IQCJ: variants seen among roughly 807,000 people sequenced by gnomAD.
IQCJ encodes IQ domain-containing protein J.
In IQCJ, 9 loss-of-function variants were observed where a neutral mutation model predicts 11.0. The ratio of observed to expected loss-of-function variants is 0.82; its 90% CI spans 0.49 to 1.43. The LOEUF is 1.43. IQCJ is among the 40% of genes most tolerant of loss of function. The pLI, the probability that IQCJ is intolerant of heterozygous loss-of-function variation, is 0.00. For synonymous variants in IQCJ, 55 were observed against 51.3 expected (o/e 1.07, Z -0.31); for missense variants, 146 against 133.2 (o/e 1.10, Z -0.47).
chr3:159,188,625 G>A (rs1006459335), intron 1 of IQCJ, among the ~76,000 whole-genome samples: 6 of 151,810 alleles, frequency 4.0e-5, no homozygotes, highest in Non-Finnish European at 8.8e-5. Context: ...TATTAAGTAC[G>A]GCCTGTACTC....
chr3:159,147,667 A>T (rs866303870), intron 1 of IQCJ, among the ~76,000 whole-genome samples: 2 of 152,228 alleles, frequency 1.3e-5, no homozygotes, highest in Non-Finnish European at 2.9e-5. Flanking sequence ...AAAATAATTA[A>T]TATTACAAAG....
chr3:159,114,284 A>G (rs988813363), intron 1 of IQCJ, among the ~76,000 whole-genome samples: 2 of 150,154 alleles, frequency 1.3e-5, no homozygotes, highest in African/African-American at 4.9e-5. Flanking sequence ...CATAGGTTTA[A>G]TTTCACACAA....
At chr3:159,169,279 C>CTTTTTTTTTTTTTTTTTTTTTTTTTT (rs141888128) in intron 1 of IQCJ, among the ~76,000 whole-genome samples, 6 of 56,406 alleles carry the variant, frequency 1.1e-4, no homozygotes, top group Non-Finnish European at 1.5e-4. Flanking sequence ...TTCTTTCTTT[C>CTTTTTTTTTTTTTTTTTTTTTTTTTT]TTTTTTTTTT....
At chr3:159,265,260 A>T (rs1728435039), downstream of IQCJ, 1 of 1,613,702 alleles carries the variant, frequency 6.2e-7, no homozygotes, top group Admixed American at 1.7e-5. Flanking sequence ...CATCTCTTGG[A>T]GGTTGCAGTC....
At chr3:159,190,165 C>A (rs1441224064) in intron 1 of IQCJ, among the ~76,000 whole-genome samples, 2 of 152,124 alleles carry the variant, frequency 1.3e-5, no homozygotes, top group Non-Finnish European at 2.9e-5. Context: ...GGATTAGCAC[C>A]CTGCTCAGCT....
chr3:159,221,850 G>A (rs888398101), intron 1 of IQCJ, among the ~76,000 whole-genome samples: 1 of 150,936 alleles, frequency 6.6e-6, no homozygotes, highest in Non-Finnish European at 1.5e-5. Context: ...AATTGTATTA[G>A]AATTGAACAC....
chr3:159,187,106 A>G (rs955172929), intron 1 of IQCJ, among the ~76,000 whole-genome samples: 1 of 152,272 alleles, frequency 6.6e-6, no homozygotes, highest in Non-Finnish European at 1.5e-5. Context: ...AACGTATTCT[A>G]CAGTTAAATA....
intron 1 of IQCJ, among the ~76,000 whole-genome samples, chr3:159,140,925 T>C (rs114841689): frequency 2.2e-4 from 33 of 152,308 alleles, no homozygotes; most frequent in Non-Finnish European, 4.1e-4. Context: ...GCACTTTTCA[T>C]AGCAAGCAGT....
intron 1 of IQCJ, among the ~76,000 whole-genome samples, chr3:159,103,415 C>T (rs989685840): frequency 1.3e-5 from 2 of 152,110 alleles, no homozygotes; most frequent in South Asian, 4.1e-4. Flanking sequence ...ATGTCATACT[C>T]CACTCTTGAG....
chr3:159,157,863 A>G (rs1721615803), intron 1 of IQCJ, among the ~76,000 whole-genome samples: 1 of 152,208 alleles, frequency 6.6e-6, no homozygotes, highest in Non-Finnish European at 1.5e-5. Flanking sequence ...AAAACACTTC[A>G]GTGCAGAGGG....
intron 1 of IQCJ, among the ~76,000 whole-genome samples, chr3:159,079,314 G>A (rs150897839): frequency 1.4e-3 from 209 of 152,148 alleles, no homozygotes; most frequent in African/African-American, 4.9e-3. Context: ...GCAACCTGAT[G>A]ATCTTCTTGC....
intron 1 of IQCJ, among the ~76,000 whole-genome samples, chr3:159,131,965 C>A (rs935874018): frequency 6.6e-6 from 1 of 152,066 alleles, no homozygotes; most frequent in East Asian, 1.9e-4. Context: ...CACACACACA[C>A]ACAAATAGAG....
intron 1 of IQCJ, among the ~76,000 whole-genome samples, chr3:159,123,896 C>G (rs922732395): frequency 6.6e-6 from 1 of 152,044 alleles, no homozygotes; most frequent in African/African-American, 2.4e-5. Flanking sequence ...AGAGACAGAC[C>G]CACTTAAATG....
intron 3 of IQCJ, among the ~76,000 whole-genome samples, chr3:159,260,590 A>G (rs1728146100): frequency 6.6e-6 from 1 of 152,204 alleles, no homozygotes; most frequent in Non-Finnish European, 1.5e-5. Context: ...CCTCTCTGAT[A>G]TAACGGGTCT....
intron 1 of IQCJ, among the ~76,000 whole-genome samples, chr3:159,204,914 G>A (rs535292097): frequency 6.6e-6 from 1 of 152,336 alleles, no homozygotes; most frequent in African/African-American, 2.4e-5. Flanking sequence ...CTTTGAAGGG[G>A]TAGCAGGCCA....
rs1331006084 is a variant in IQCJ at position 159,107,931 on chromosome 3, G to T, written c.9+38490G>T. Among the ~76,000 whole-genome samples the T allele has an allele frequency of 3.5e-5, 5 of 143,156 alleles. No individual in the cohort carries two copies. The South Asian group carries it at 6.5e-4, about 19-fold the overall frequency. 93.9% of individuals were successfully genotyped at this position (143,156 alleles called of 152,430 possible). On this transcript the variant is annotated intron_variant, in intron 1 of 3. Coordinates refer to ENST00000397832, the MANE Select transcript of IQCJ (RefSeq NM_001042706.3). ...TCTCCCCTGAAGAACTCACTGCCAC[G>T]CTCTGCTCCTGCTTGCAGGCTTCCT...
chr3:159,218,891 C>T (rs1221724948), intron 1 of IQCJ, among the ~76,000 whole-genome samples: 1 of 152,040 alleles, frequency 6.6e-6, no homozygotes, highest in Non-Finnish European at 1.5e-5. Flanking sequence ...CTTCCAGAGG[C>T]TCTAGGAGAG....
rs139281419 is a variant in IQCJ, at chr3:159,122,283, G to A, written c.9+52842G>A. Among the ~76,000 whole-genome samples the A allele has an allele frequency of 1.2e-3, 187 of 152,292 alleles. 1 individual carries two copies. Among genetic ancestry groups the A allele is most frequent in the African/African-American group, 4.4e-3 (181 of 41,566 alleles). On this transcript the variant is annotated intron_variant, in intron 1 of 3. Coordinates refer to ENST00000397832, the MANE Select transcript of IQCJ (RefSeq NM_001042706.3). ...GTTAGGATTTCAGCATTTAAGTTTA[G>A]TGGGGGGACAAAAATATTCAGTTCA... is the stretch of plus-strand genomic sequence containing the variant.
intron 1 of IQCJ, among the ~76,000 whole-genome samples, chr3:159,207,148 G>T (rs138219949): frequency 1.5e-3 from 232 of 152,274 alleles, no homozygotes; most frequent in African/African-American, 5.5e-3. Flanking sequence ...AAGCTTCTGA[G>T]CCCAGTAGCC....
Sources: allele counts gnomAD v4.1 joint callset (sites outside exome capture counted in the v4.1 genomes callset), GRCh38; gene constraint gnomAD v4.1.1; transcripts MANE v1.5; gene names NCBI Gene and HGNC (gene_info 2026-07-23, HGNC 2026-07-21).